Variants in PTPRD observed in about 807,000 individuals in gnomAD.
PTPRD encodes the protein receptor-type tyrosine-protein phosphatase delta.
In PTPRD, 34 loss-of-function variants were observed where a neutral mutation model predicts 214.5. The ratio of observed to expected loss-of-function variants is 0.16; its 90% CI spans 0.12 to 0.21. The LOEUF is 0.21. Ranked by LOEUF, PTPRD falls within the 10% of genes least tolerant of loss-of-function variation. The pLI is 1.00. For missense variants in PTPRD, 2,545 were observed against 2,398.7 expected (o/e 1.06, Z -1.27); for synonymous variants, 1,128 against 845.7 (o/e 1.33, Z -5.79).
At chr9:10,031,320 G>T (rs997781356) in intron 4 of PTPRD, among the ~76,000 whole-genome samples, 3 of 151,996 alleles carry the variant, frequency 2.0e-5, no homozygotes, top group African/African-American at 4.8e-5. Context: ...GTCTGTATGG[G>T]TGTTGCCAAA....
intron 2 of PTPRD, among the ~76,000 whole-genome samples, chr9:10,479,000 C>G (rs1490348041): frequency 6.6e-6 from 1 of 151,884 alleles, no homozygotes; most frequent in East Asian, 1.9e-4. Context: ...TTTAAAAGCC[C>G]TTCAAAAACG....
intron 11 of PTPRD, among the ~76,000 whole-genome samples, chr9:8,892,789 C>A (rs912749644): frequency 1.3e-5 from 2 of 150,634 alleles, no homozygotes; most frequent in African/African-American, 4.9e-5. Context: ...ACCACTAGTT[C>A]CAAGGTTGAG....
intron 14 of PTPRD, among the ~76,000 whole-genome samples, chr9:8,612,656 T>C (rs1280193110): frequency 3.3e-5 from 5 of 152,172 alleles, no homozygotes; most frequent in African/African-American, 4.8e-5. Flanking sequence ...GGCGGTACTA[T>C]TGACTGAAAT....
At chr9:9,076,474 G>A (rs1160962745) in intron 10 of PTPRD, among the ~76,000 whole-genome samples, 1 of 151,944 alleles carries the variant, frequency 6.6e-6, no homozygotes, top group African/African-American at 2.4e-5. Flanking sequence ...CCTCTGGTAA[G>A]TATCATTCTA....
chr9:10,252,287 G>A (rs2092849180), intron 3 of PTPRD, among the ~76,000 whole-genome samples: 1 of 152,132 alleles, frequency 6.6e-6, no homozygotes, highest in Admixed American at 6.5e-5. Flanking sequence ...AATAGTGTCT[G>A]TGTGCCACTC....
intron 2 of PTPRD, among the ~76,000 whole-genome samples, chr9:10,521,214 CA>C (rs1566708278): frequency 3.3e-5 from 5 of 152,108 alleles, no homozygotes; most frequent in Non-Finnish European, 5.9e-5. Context: ...AAGTAGGTTC[CA>C]ACTCTCACAG....
intron 4 of PTPRD, among the ~76,000 whole-genome samples, chr9:9,968,223 T>A (rs1469200044): frequency 6.6e-6 from 1 of 152,190 alleles, no homozygotes; most frequent in Non-Finnish European, 1.5e-5. Context: ...CTAGGACATT[T>A]GAAGGCCACA....
intron 3 of PTPRD, among the ~76,000 whole-genome samples, chr9:10,102,238 A>G (rs906461061): frequency 1.3e-5 from 2 of 151,640 alleles, no homozygotes; most frequent in Non-Finnish European, 3.0e-5. Flanking sequence ...TTTGAGACTC[A>G]CATTGGATCA....
At chr9:9,955,679 A>C (rs552381215) in intron 4 of PTPRD, among the ~76,000 whole-genome samples, 1 of 152,000 alleles carries the variant, frequency 6.6e-6, no homozygotes, top group South Asian at 2.1e-4. Context: ...GCCCGCCACC[A>C]TGCCCGACTA....
intron 34 of PTPRD, among the ~76,000 whole-genome samples, chr9:8,440,631 G>C (rs2095516519): frequency 6.6e-6 from 1 of 152,164 alleles, no homozygotes; most frequent in East Asian, 1.9e-4. Flanking sequence ...CATTTTAAAG[G>C]CACGCATCAA....
At chr9:8,715,177 G>A (rs1403968751) in intron 12 of PTPRD, among the ~76,000 whole-genome samples, 4 of 152,052 alleles carry the variant, frequency 2.6e-5, no homozygotes, top group African/African-American at 9.6e-5. Flanking sequence ...CAAATTAGAA[G>A]GTGTCATCAA....
In PTPRD at chr9:8,626,523, T is replaced by C. The variant is rs78340796; in HGVS notation, c.352+6794A>G. Among the ~76,000 whole-genome samples the C allele has an allele frequency of 4.8e-4, 73 of 151,952 alleles. 1 individual carries two copies. In the East Asian group the frequency reaches 0.012, roughly 26 times the overall value. On this transcript the variant is annotated intron_variant, in intron 14 of 45. Transcript: ENST00000381196. Reference sequence around the variant, plus strand: ...CGAAATATCTGGGGTGCTCAAATATTTGGTCAAATGTTATCTTGAGCATTA... The same window carrying C: ...CGAAATATCTGGGGTGCTCAAATATCTGGTCAAATGTTATCTTGAGCATTA...
chr9:9,129,307 T>C (rs1011257602), intron 10 of PTPRD, among the ~76,000 whole-genome samples: 3 of 152,114 alleles, frequency 2.0e-5, no homozygotes, highest in Admixed American at 6.5e-5. Flanking sequence ...TGAGAATCAC[T>C]GGAACCCAGG....
chr9:8,999,486 T>C (rs1002290658), intron 11 of PTPRD, among the ~76,000 whole-genome samples: 1 of 152,086 alleles, frequency 6.6e-6, no homozygotes. Context: ...TTTAAGACAA[T>C]GCTATCAAAC....
chr9:9,634,938 G>A (rs1221018740), intron 7 of PTPRD, among the ~76,000 whole-genome samples: 3 of 152,150 alleles, frequency 2.0e-5, no homozygotes, highest in Non-Finnish European at 4.4e-5. Context: ...TATGTGTAAA[G>A]CTGTAGGAGG....
intron 12 of PTPRD, among the ~76,000 whole-genome samples, chr9:8,726,056 C>CACAGTTTAGTGA (rs1334868493): frequency 6.6e-6 from 1 of 151,932 alleles, no homozygotes; most frequent in East Asian, 1.9e-4. Context: ...CACACACACA[C>CACAGTTTAGTGA]ACACACACAG....
At chr9:9,198,656 T>C (rs2099940073) in intron 9 of PTPRD, among the ~76,000 whole-genome samples, 1 of 152,172 alleles carries the variant, frequency 6.6e-6, no homozygotes, top group Non-Finnish European at 1.5e-5. Context: ...AAATGCAAAC[T>C]TAGGAGTTAG....
intron 11 of PTPRD, among the ~76,000 whole-genome samples, chr9:8,839,492 T>C (rs1035746619): frequency 2.2e-4 from 33 of 152,152 alleles, no homozygotes; most frequent in African/African-American, 7.5e-4. Context: ...CCCTGGCTAA[T>C]TTTTGTATTT....
chr9:10,518,748 G>A (rs572530799), intron 2 of PTPRD, among the ~76,000 whole-genome samples: 10 of 151,880 alleles, frequency 6.6e-5, no homozygotes, highest in Admixed American at 6.6e-4. Context: ...TAGCCAAGAT[G>A]GTCTTGATCT....
Sources: allele counts gnomAD v4.1 joint callset (sites outside exome capture counted in the v4.1 genomes callset), GRCh38; gene constraint gnomAD v4.1.1; transcripts MANE v1.5; gene names NCBI Gene and HGNC (gene_info 2026-07-23, HGNC 2026-07-21).